Variants in FXR1 observed in about 807,000 individuals in gnomAD.
The protein encoded by FXR1 is FMR1 autosomal homolog 1.
A neutral mutation model predicts 84.0 loss-of-function variants in FXR1; 15 were observed. That is an observed-to-expected ratio of 0.18 (90% CI 0.12 to 0.27). The LOEUF (loss-of-function observed/expected upper bound fraction) is 0.27, where lower values mean the gene tolerates loss of function less well. Among genes scored for constraint, FXR1 ranks in the 10% least tolerant of loss-of-function variants. FXR1 has a pLI of 1.00. For synonymous variants in FXR1, 245 were observed against 250.7 expected, an observed-to-expected ratio of 0.98 and a Z score of 0.21; for missense variants, 480 against 774.4, an observed-to-expected ratio of 0.62 and a Z score of 4.51.
intron 13 of FXR1, among the ~76,000 whole-genome samples, chr3:180,965,020 A>C (rs1206188435): frequency 6.6e-6 from 1 of 151,280 alleles, no homozygotes; most frequent in African/African-American, 2.4e-5. Flanking sequence ...ATGTTTTGTT[A>C]CTTTTTTTTT....
Position 180,981,226 on chromosome 3 carries a change from T to G in FXR1, c.*4934T>G, listed in dbSNP as rs1366991940. 3 of 151,978 alleles carry G rather than the reference T, an allele frequency of 2.0e-5. No individual in the cohort carries two copies. Among genetic ancestry groups the G allele is most frequent in the African/African-American group, 7.2e-5 (3 of 41,410 alleles). 9.4% of individuals were successfully genotyped at this position (151,978 alleles called of 1,614,324 possible). On this transcript the variant is annotated 3_prime_UTR_variant, in exon 17 of 17. Coordinates refer to ENST00000357559, the MANE Select transcript of FXR1 (RefSeq NM_005087.4). ...GCATTATGCCTGCGTGAAATTTTAT[T>G]TTTAGACATTTCTGATACTAGGTTT...
chr3:180,935,733 CA>C (rs973045497), intron 3 of FXR1, among the ~76,000 whole-genome samples: 18 of 150,850 alleles, frequency 1.2e-4, no homozygotes, highest in African/African-American at 4.4e-4. Context: ...TACAGAAAAG[CA>C]AAAAAAATAC....
chr3:180,932,180 T>A (rs1720017168), intron 1 of FXR1, among the ~76,000 whole-genome samples: 1 of 152,096 alleles, frequency 6.6e-6, no homozygotes, highest in African/African-American at 2.4e-5. Flanking sequence ...TGTTAGTTAA[T>A]GGACTTTTGG....
intron 1 of FXR1, among the ~76,000 whole-genome samples, chr3:180,931,176 A>T (rs570629656): frequency 1.2e-4 from 19 of 152,250 alleles, no homozygotes; most frequent in African/African-American, 4.6e-4. Context: ...ATTAATTAAT[A>T]AATATCTCCA....
intron 9 of FXR1, 28 bp from the exon 10 acceptor site, chr3:180,957,790 AC>A: frequency 1.0e-6 from 1 of 999,962 alleles, no homozygotes; most frequent in Non-Finnish European, 1.6e-6. Context: ...GTTTTAGCTT[AC>A]CATTGTATTT....
chr3:180,974,602 A>G (rs1419732632), intron 15 of FXR1, among the ~76,000 whole-genome samples: 1 of 152,124 alleles, frequency 6.6e-6, no homozygotes. Context: ...TTCTTTGCAA[A>G]TACACATTTC....
At chr3:180,958,367 T>C (rs117422607) in intron 10 of FXR1, among the ~76,000 whole-genome samples, 1 of 152,098 alleles carries the variant, frequency 6.6e-6, no homozygotes, top group Non-Finnish European at 1.5e-5. Context: ...CAATATGTAG[T>C]CTTTTATCTC....
rs779874436 is a variant in FXR1 at position 180,981,577 on chromosome 3, A to T, written c.*5285A>T. The T allele has an allele frequency of 6.6e-5, 10 of 152,146 alleles. No homozygotes were observed. Among genetic ancestry groups the T allele is most frequent in the Non-Finnish European group, 1.3e-4 (9 of 67,994 alleles). The allele number at this position is 152,146 out of a possible 1,614,324, so 9.4% of individuals were successfully genotyped here. Reference sequence around the variant, plus strand: ...GGCAAGGGAAGAGGCTAAGTGACTCACAAAAATCTCTGATATTGAGGTCTA... The same window carrying T: ...GGCAAGGGAAGAGGCTAAGTGACTCTCAAAAATCTCTGATATTGAGGTCTA... On this transcript the variant is annotated 3_prime_UTR_variant, in exon 17 of 17. Transcript: ENST00000357559.
chr3:180,963,386 C>CAAAT (rs1199458987), intron 13 of FXR1, among the ~76,000 whole-genome samples: 1 of 152,010 alleles, frequency 6.6e-6, no homozygotes, highest in Non-Finnish European at 1.5e-5. Flanking sequence ...ACTTGTTTTT[C>CAAAT]AAATACTTTA....
intron 1 of FXR1, among the ~76,000 whole-genome samples, chr3:180,932,292 G>T (rs1232354250): frequency 6.6e-6 from 1 of 152,136 alleles, no homozygotes; most frequent in East Asian, 1.9e-4. Context: ...ATGGAGTCTA[G>T]TGTGATAAAG....
chr3:180,944,749 A>G (rs907190884), intron 3 of FXR1, among the ~76,000 whole-genome samples: 5 of 152,176 alleles, frequency 3.3e-5, no homozygotes, highest in African/African-American at 1.2e-4. Flanking sequence ...CAGGCCCCCA[A>G]GTAGCTGAGA....
chr3:180,962,352 T>C (rs1413525492), intron 11 of FXR1, among the ~76,000 whole-genome samples: 1 of 152,230 alleles, frequency 6.6e-6, no homozygotes, highest in Non-Finnish European at 1.5e-5. Context: ...TATCTTTCAG[T>C]ACTCATCTTT....
rs112684623 is a variant in FXR1 at position 180,927,521 on chromosome 3, A to G, written c.52-5813A>G. 3.7e-4 allele frequency: 207 copies of G among 553,690 alleles called. 1 individual carries two copies. The African/African-American group carries it at 3.9e-3, about 10-fold the overall frequency. 34.3% of individuals were successfully genotyped at this position (553,690 alleles called of 1,614,324 possible). On this transcript the variant is annotated intron_variant, in intron 1 of 16. Coordinates refer to ENST00000357559, the MANE Select transcript of FXR1 (RefSeq NM_005087.4). ...TACCATGTTTCTTTCTGTTTAGCCT[A>G]TAGGATTTTTTTTCCACAACGGCTC... is the stretch of plus-strand genomic sequence containing the variant.
chr3:180,957,351 A>C (rs1711506946), intron 9 of FXR1, among the ~76,000 whole-genome samples: 1 of 152,210 alleles, frequency 6.6e-6, no homozygotes, highest in South Asian at 2.1e-4. Flanking sequence ...TTCTAAAGTT[A>C]TCTTCAAGTC....
intron 1 of FXR1, among the ~76,000 whole-genome samples, chr3:180,930,688 A>G (rs188262720): frequency 2.0e-5 from 3 of 152,294 alleles, no homozygotes; most frequent in Admixed American, 1.3e-4. Context: ...AGGGTATAAT[A>G]CAGTTATATT....
intron 11 of FXR1, among the ~76,000 whole-genome samples, chr3:180,961,849 A>G (rs527546997): frequency 3.2e-4 from 49 of 152,258 alleles, no homozygotes; most frequent in South Asian, 1.4e-3. Flanking sequence ...TCTTCATGCA[A>G]TTTGACTCTC....
At chr3:180,948,644 C>A in intron 5 of FXR1, 77 bp from the exon 6 acceptor site, 1 of 960,976 alleles carries the variant, frequency 1.0e-6, no homozygotes. Context: ...CAAAATGAAA[C>A]ACTGACTTTG....
intron 1 of FXR1, among the ~76,000 whole-genome samples, chr3:180,932,635 T>C (rs1720070966): frequency 2.0e-5 from 3 of 152,204 alleles, no homozygotes; most frequent in Non-Finnish European, 2.9e-5. Flanking sequence ...CCAATTGTTA[T>C]TGAGAATCTG....
At chr3:180,927,806 C>T (rs1234098288) in intron 1 of FXR1, 1 of 428,760 alleles carries the variant, frequency 2.3e-6, no homozygotes, top group Non-Finnish European at 4.1e-6. Context: ...TACATTTTTT[C>T]CTGTGAATTA....
Sources: allele counts gnomAD v4.1 joint callset (sites outside exome capture counted in the v4.1 genomes callset), GRCh38; gene constraint gnomAD v4.1.1; transcripts MANE v1.5; gene names NCBI Gene and HGNC (gene_info 2026-07-23, HGNC 2026-07-21).